The following PPP5C variants were observed in gnomAD, a reference collection of about 807,000 sequenced individuals.
PPP5C encodes serine/threonine-protein phosphatase 5.
PPP5C carries 21 observed loss-of-function variants against 66.7 expected under a neutral mutation model. The ratio of observed to expected loss-of-function variants is 0.31; its 90% confidence interval spans 0.22 to 0.45. The LOEUF (loss-of-function observed/expected upper bound fraction) is 0.45. PPP5C is among the 20% of genes least tolerant of loss of function. The pLI, the probability that PPP5C is intolerant of heterozygous loss-of-function variation, is 1.00. For synonymous variants in PPP5C, 246 were observed against 257.4 expected (o/e 0.96, Z 0.43); for missense variants, 464 against 675.9 (o/e 0.69, Z 3.48).
rs954857865 is a variant in PPP5C at position 46,376,170 on chromosome 19, G to A, written c.512-283G>A. ...AAACCCTTCCTGTCCACATGGAGCC[G>A]ATATTCTAGGAGGGAGATAAGATGA... is the stretch of plus-strand genomic sequence containing the variant. On this transcript the variant is annotated intron_variant, in intron 3 of 12. Transcript: ENST00000012443. The surrounding 1 kb of genome is among the most constrained non-coding windows in gnomAD (Gnocchi z 5.1). Among the ~76,000 whole-genome samples, 10 of 152,126 alleles carry A rather than the reference G, an allele frequency of 6.6e-5. No individual in the cohort carries two copies. The highest frequency in any genetic ancestry group is 2.2e-4 in the African/African-American group (9 of 41,426).
intron 11 of PPP5C, among the ~76,000 whole-genome samples, chr19:46,389,362 AACACACACACACACACACACAC>A (rs57181889): frequency 6.5e-3 from 636 of 97,866 alleles, no homozygotes; most frequent in Admixed American, 8.5e-3. Context: ...TCCATCTCAA[AACACACACACACACACACACAC>A]ACACACACAC....
chr19:46,373,752 G>A (rs1200203721), intron 2 of PPP5C, among the ~76,000 whole-genome samples: 3 of 152,190 alleles, frequency 2.0e-5, no homozygotes. Flanking sequence ...GACCGGTTCC[G>A]AACCAGCAGG....
chr19:46,380,405 C>CT (rs1390868766), intron 4 of PPP5C, among the ~76,000 whole-genome samples: 22 of 152,208 alleles, frequency 1.4e-4, no homozygotes, highest in African/African-American at 4.8e-4. Context: ...GCTTATGCAT[C>CT]TGCTATAAAT....
At chr19:46,389,255 T>C (rs1972948982) in intron 11 of PPP5C, among the ~76,000 whole-genome samples, 1 of 150,186 alleles carries the variant, frequency 6.7e-6, no homozygotes, top group African/African-American at 2.5e-5. Flanking sequence ...ACCCGGGAGG[T>C]AGAGGTTGCA....
At chr19:46,374,481 C>G (rs769142601) in intron 2 of PPP5C, among the ~76,000 whole-genome samples, 1 of 152,176 alleles carries the variant, frequency 6.6e-6, no homozygotes, top group African/African-American at 2.4e-5. Context: ...GTCACTTGCC[C>G]AAAGTCACAT....
At chr19:46,369,925 GGAAA>G (rs1972558250) in intron 2 of PPP5C, among the ~76,000 whole-genome samples, 1 of 136,080 alleles carries the variant, frequency 7.3e-6, no homozygotes. Context: ...GACTCCGTCT[GGAAA>G]AAAAAAAAAA....
rs546343190 is a variant in PPP5C at position 46,385,360 on chromosome 19, G to A, written c.904+451G>A. Among the ~76,000 whole-genome samples, 13 of 152,254 alleles carry A rather than the reference G, an allele frequency of 8.5e-5. No homozygotes were observed. The South Asian group carries it at 1.7e-3, about 19-fold the overall frequency. On this transcript the variant is annotated intron_variant, in intron 7 of 12. Transcript: ENST00000012443. The stretch of plus-strand genomic sequence containing the variant: ...GGTTCTCTTGATTGAAGTAGAGCCC[G>A]GAGCTGAGTGTGCTGGTTCACACCT...
chr19:46,387,431 G>A lies in PPP5C; in HGVS notation c.1113G>A (p.Arg371=). Residue 371 remains arginine, a synonymous_variant, in exon 9 of 13, where the codon CGG becomes CGA. Coordinates refer to ENST00000012443, the MANE Select transcript of PPP5C (RefSeq NM_006247.4). ...VTLDDIRKIE[R]NRQPPDSGPM... ...TGGATGACATCCGGAAAATTGAGCGGAATCGACAACCCCCAGATTCAGGTG... is the reference window on the plus strand; with the variant it reads ...TGGATGACATCCGGAAAATTGAGCGAAATCGACAACCCCCAGATTCAGGTG... The A allele has an allele frequency of 6.2e-7, 1 of 1,613,720 alleles. No individual in the cohort carries two copies. Among genetic ancestry groups the A allele is most frequent in the Non-Finnish European group, 8.5e-7 (1 of 1,179,598 alleles).
intron 2 of PPP5C, among the ~76,000 whole-genome samples, chr19:46,370,628 GTGCTGTCA>G (rs2147382900): frequency 6.6e-6 from 1 of 152,330 alleles, no homozygotes; most frequent in South Asian, 2.1e-4. Flanking sequence ...TCCCATGGCT[GTGCTGTCA>G]CCAGGCAATA....
intron 2 of PPP5C, among the ~76,000 whole-genome samples, chr19:46,355,283 AC>A (rs1262847392): frequency 1.2e-5 from 1 of 86,782 alleles, no homozygotes; most frequent in Non-Finnish European, 2.5e-5. Context: ...CTGCCCCCCG[AC>A]ACAGACACAC....
intron 4 of PPP5C, among the ~76,000 whole-genome samples, chr19:46,380,525 T>C (rs539836722): frequency 6.6e-6 from 1 of 152,352 alleles, no homozygotes; most frequent in East Asian, 1.9e-4. Flanking sequence ...TTGTTTCTTC[T>C]TCCATATGTG....
chr19:46,368,518 T>TA (rs1393015192), intron 2 of PPP5C, among the ~76,000 whole-genome samples: 1 of 152,252 alleles, frequency 6.6e-6, no homozygotes, highest in African/African-American at 2.4e-5. Context: ...CTTTTCTTTT[T>TA]AAAAAATTAA....
chr19:46,348,297 C>T (rs1379035915), intron 1 of PPP5C, among the ~76,000 whole-genome samples: 2 of 147,182 alleles, frequency 1.4e-5, no homozygotes, highest in Non-Finnish European at 3.0e-5. Context: ...ATTACAAAGA[C>T]CAGTTTGGAA....
intron 2 of PPP5C, among the ~76,000 whole-genome samples, chr19:46,374,920 G>C (rs960856787): frequency 9.9e-5 from 15 of 152,192 alleles, no homozygotes; most frequent in Non-Finnish European, 8.8e-5. Flanking sequence ...TTTGAACCCG[G>C]TCTCAGGGAT....
Position 46,390,521 on chromosome 19 carries a change from G to T in PPP5C, c.*175G>T, listed in dbSNP as rs1973000507. The T allele has an allele frequency of 2.1e-6, 3 of 1,453,022 alleles. No homozygotes were observed. The African/African-American group carries it at 4.2e-5, about 20-fold the overall frequency. The allele number at this position is 1,453,022 out of a possible 1,614,324, so 90.0% of individuals were successfully genotyped here. A position where few individuals can be genotyped will look rare whatever the true frequency, so the allele number is the denominator to read the frequency against. ...AGAGGGGGTAGGGGCAGAGTCAGGG[G>T]CTGGCCAGAGGGTCTGCTCCCTGGA... On this transcript the variant is annotated 3_prime_UTR_variant, in exon 13 of 13. Transcript: ENST00000012443.
chr19:46,389,235 A>G (rs368796072), intron 11 of PPP5C, among the ~76,000 whole-genome samples: 84 of 151,830 alleles, frequency 5.5e-4, no homozygotes, highest in Admixed American at 1.9e-3. Context: ...GAGTCAGGAG[A>G]ATTGTTCGAA....
intron 11 of PPP5C, among the ~76,000 whole-genome samples, chr19:46,389,270 GCTGAGATTGCACCACTGCACTCCAGC>G (rs1972949477): frequency 6.6e-6 from 1 of 151,370 alleles, no homozygotes; most frequent in African/African-American, 2.4e-5. Context: ...GTTGCAGTGA[GCTGAGATTGCACCACTGCACTCCAGC>G]CTGGGGAAGA....
At chr19:46,347,635 G>T (rs73940682) in intron 1 of PPP5C, among the ~76,000 whole-genome samples, 7,063 of 147,432 alleles carry the variant, frequency 0.048, 324 homozygotes, top group African/African-American at 0.12. Context: ...AATAGAGAAG[G>T]CAATCGTGGG....
intron 9 of PPP5C, chr19:46,387,862 T>G: frequency 1.6e-6 from 1 of 635,308 alleles, no homozygotes; most frequent in Non-Finnish European, 2.3e-6. Flanking sequence ...TGCTGGGTGC[T>G]CAGGAAGGCC....
Sources: gnomAD v4.1 joint callset for allele counts (sites outside exome capture counted in the v4.1 genomes callset) on GRCh38, gnomAD v4.1.1 for gene constraint, Gnocchi (gnomAD v3.1) non-coding constraint, MANE v1.5 for transcripts, NCBI Gene and HGNC (gene_info 2026-07-23, HGNC 2026-07-21) for gene names.